GPC1: variants seen among roughly 807,000 people sequenced by gnomAD.
The protein encoded by GPC1 is glypican-1.
In GPC1, 26 loss-of-function variants were observed where a neutral mutation model predicts 51.5. The observed-to-expected ratio is 0.50, with a 90% CI of 0.37 to 0.70. The LOEUF (loss-of-function observed/expected upper bound fraction) is 0.70. Ranked by LOEUF, GPC1 falls within the 30% of genes least tolerant of loss-of-function variation. The pLI, the probability that GPC1 is intolerant of heterozygous loss-of-function variation, is 0.00. For synonymous variants in GPC1, 380 were observed against 348.3 expected, an observed-to-expected ratio of 1.09 and a Z score of -1.01; for missense variants, 775 against 800.5, an observed-to-expected ratio of 0.97 and a Z score of 0.38.
intron 5 of GPC1, 49 bp downstream of exon 5, chr2:240,464,795 G>A: frequency 6.3e-7 from 1 of 1,576,468 alleles, no homozygotes. Context: ...GGTCCTGGAT[G>A]TGGCCCCATT....
At chr2:240,443,904 G>C (rs2074033246) in intron 1 of GPC1, among the ~76,000 whole-genome samples, 1 of 152,224 alleles carries the variant, frequency 6.6e-6, no homozygotes, top group Non-Finnish European at 1.5e-5. Context: ...AGAGCTGAGA[G>C]GCCTCGCCGC....
chr2:240,464,627 C>T lies in GPC1; in HGVS notation c.895C>T (p.Leu299Phe), dbSNP rs770926455. ...AACGCCTGTCCTAGACTCCATGGTG[C>T]TCATCACCGACAAGTTCTGGGGTAC... is the stretch of plus-strand genomic sequence containing the variant. ...EWRNLLDSMVLITDKFWGTSG... is the reference protein window; with the variant it reads ...EWRNLLDSMVFITDKFWGTSG... The change falls in exon 5 of 9, where the codon CTC (leucine) becomes TTC (phenylalanine). Residue 299 changes from leucine (L) to phenylalanine (F), a missense_variant. Leu to Phe is a conservative substitution (Grantham distance 22). Coordinates refer to ENST00000264039, the MANE Select transcript of GPC1 (RefSeq NM_002081.3). 7.4e-6 allele frequency: 12 copies of T among 1,611,246 alleles called. No homozygotes were observed. The South Asian group carries it at 1.2e-4, about 16-fold the overall frequency.
At chr2:240,436,137 G>T (rs953223679) in intron 1 of GPC1, 53 bp downstream of exon 1, 3 of 1,169,910 alleles carry the variant, frequency 2.6e-6, no homozygotes, top group South Asian at 3.9e-5. Flanking sequence ...TTTGGGCTCC[G>T]GACCCTGGTC....
At chr2:240,462,752 G>A (rs1435238271) in intron 3 of GPC1, among the ~76,000 whole-genome samples, 170 bp downstream of exon 3, 1 of 152,220 alleles carries the variant, frequency 6.6e-6, no homozygotes, top group East Asian at 1.9e-4. Context: ...CCCATGGCCT[G>A]CTAACAGCGT....
Position 240,462,270 on chromosome 2 carries a change from G to C in GPC1, c.405G>C (p.Thr135=). 1 of 1,610,376 alleles carries C rather than the reference G, an allele frequency of 6.2e-7. No individual in the cohort carries two copies. The highest frequency in any genetic ancestry group is 1.1e-5 in the South Asian group (1 of 90,614). The change falls in exon 3 of 9, where the codon ACG becomes ACC. Residue 135 remains threonine, a synonymous_variant. Transcript: ENST00000264039. ...CCGGCGCCTTCGGAGAGCTGTACAC[G>C]CAGAACGCGAGGGCCTTCCGGGACC... The part of the protein sequence containing the change: ...TFPGAFGELY[T]QNARAFRDLY...
intron 1 of GPC1, among the ~76,000 whole-genome samples, chr2:240,441,703 T>A (rs1000567761): frequency 3.9e-5 from 6 of 152,288 alleles, no homozygotes; most frequent in African/African-American, 1.4e-4. Context: ...TTTCTTTGTC[T>A]GGGAACAGGC....
intron 2 of GPC1, among the ~76,000 whole-genome samples, chr2:240,459,907 C>T (rs550401708): frequency 7.2e-5 from 11 of 152,090 alleles, no homozygotes; most frequent in Non-Finnish European, 1.5e-4. Flanking sequence ...GGAGGCGGCC[C>T]GGGCTGAGGT....
At chr2:240,455,349 T>A (rs1412028819) in intron 1 of GPC1, among the ~76,000 whole-genome samples, 1 of 152,074 alleles carries the variant, frequency 6.6e-6, no homozygotes, top group Non-Finnish European at 1.5e-5. Context: ...AGCCCAGGGA[T>A]CAGGGAAGAG....
In GPC1 at chr2:240,466,081, A is replaced by G. The variant is rs1425635440; in HGVS notation, c.1468A>G (p.Ser490Gly). The G allele has an allele frequency of 9.3e-6, 15 of 1,611,534 alleles. No homozygotes were observed. The highest frequency in any genetic ancestry group is 1.3e-5 in the Non-Finnish European group (15 of 1,179,264). ...DASDDGSGSG[S>G]GDGCLDDLCS... is the part of the protein sequence containing the mutation. ...AGGTGACGACGGCAGCGGCTCGGGC[A>G]GCGGTGATGGCTGTCTGGATGACCT... Residue 490 changes from serine (S) to glycine (G), a missense_variant, in exon 9 of 9, where the codon AGC (serine) becomes GGC (glycine). Transcript: ENST00000264039.
chr2:240,446,040 C>G (rs565988845), intron 1 of GPC1, among the ~76,000 whole-genome samples: 1 of 152,246 alleles, frequency 6.6e-6, no homozygotes, highest in African/African-American at 2.4e-5. Flanking sequence ...AAAGCGTCTG[C>G]GGCTTCACCA....
At position 240,459,013 on chromosome 2, in the gene GPC1, C is replaced by T. The variant is rs756437007; in HGVS notation, c.167-17C>T. The T allele has an allele frequency of 6.2e-7, 1 of 1,611,040 alleles. No individual in the cohort carries two copies. Among genetic ancestry groups the T allele is most frequent in the Admixed American group, 1.7e-5 (1 of 59,968 alleles). ...GCTGTCCCAGCCCCTCTCCCTCACA[C>T]TGGCCTTTCCCCACAGGTGAGCACC... On this transcript the variant is annotated splice_polypyrimidine_tract_variant and intron_variant, in intron 1 of 8. Coordinates refer to ENST00000264039, the MANE Select transcript of GPC1 (RefSeq NM_002081.3).
At chr2:240,450,788 G>A (rs2074092071) in intron 1 of GPC1, 2 of 469,962 alleles carry the variant, frequency 4.3e-6, no homozygotes, top group Non-Finnish European at 8.8e-6. Flanking sequence ...CCTTTATTCA[G>A]TACCAGGGTA....
chr2:240,450,361 G>A (rs1176043330), intron 1 of GPC1: 1 of 343,532 alleles, frequency 2.9e-6, no homozygotes, highest in Non-Finnish European at 5.8e-6. Flanking sequence ...TGGGATTGGA[G>A]TCAGGGCAGG....
intron 1 of GPC1, among the ~76,000 whole-genome samples, chr2:240,447,967 C>T (rs2074063074): frequency 6.6e-6 from 1 of 152,120 alleles, no homozygotes. Context: ...CGCTCCCATT[C>T]GCTGGCTCTG....
intron 2 of GPC1, among the ~76,000 whole-genome samples, chr2:240,461,962 C>T (rs1013418039): frequency 3.9e-5 from 6 of 152,160 alleles, no homozygotes; most frequent in East Asian, 3.9e-4. Context: ...CCCTGAGACC[C>T]GAGAGGACCC....
At position 240,466,531 on chromosome 2, in the gene GPC1, T is replaced by C. The variant is rs2151797899; in HGVS notation, c.*241T>C. ...AGCCAGTGTGCCCAAAAGCCATGTA[T>C]TTCAGGGACCTCAGGGGCACCTCCG... On this transcript the variant is annotated 3_prime_UTR_variant, in exon 9 of 9. Coordinates refer to ENST00000264039, the MANE Select transcript of GPC1 (RefSeq NM_002081.3). The C allele has an allele frequency of 3.7e-6, 2 of 536,110 alleles. No individual in the cohort carries two copies. Among genetic ancestry groups the C allele is most frequent in the Middle Eastern group, 4.8e-4 (1 of 2,066 alleles). The allele number at this position is 536,110 out of a possible 1,614,324, so 33.2% of individuals were successfully genotyped here.
intron 1 of GPC1, among the ~76,000 whole-genome samples, chr2:240,437,037 C>T (rs2073988798): frequency 6.6e-6 from 1 of 152,248 alleles, no homozygotes; most frequent in African/African-American, 2.4e-5. Context: ...TGGGAACCAA[C>T]CTCGGTCTGT....
intron 1 of GPC1, 193 bp from the exon 2 acceptor site, chr2:240,458,837 A>G: frequency 1.7e-6 from 1 of 577,604 alleles, no homozygotes; most frequent in South Asian, 2.2e-5. Flanking sequence ...AAGCTACGGG[A>G]CCGAAGCCAG....
At position 240,448,467 on chromosome 2, in the gene GPC1, CG is replaced by C. The variant is rs2074068056; in HGVS notation, c.167-10559del. 6.6e-6 allele frequency among the ~76,000 whole-genome samples: 1 copy of C among 151,006 alleles called. No homozygotes were observed. The highest frequency in any genetic ancestry group is 1.5e-5 in the Non-Finnish European group (1 of 67,608). Reference sequence around the variant, plus strand: ...CCCTGCCAGGAAGTCTGGGTGTAGACGGGGTGGAGTCAGGACTCCAGGTGCC... The same window carrying C: ...CCCTGCCAGGAAGTCTGGGTGTAGACGGGTGGAGTCAGGACTCCAGGTGCC... On this transcript the variant is annotated intron_variant, in intron 1 of 8. Transcript: ENST00000264039. This position sits in a 1 kb window ranked among gnomAD's most constrained non-coding sequence, Gnocchi z 4.5.
Sources: gnomAD v4.1 joint callset for allele counts (sites outside exome capture counted in the v4.1 genomes callset) on GRCh38, gnomAD v4.1.1 for gene constraint, Gnocchi (gnomAD v3.1) non-coding constraint, MANE v1.5 for transcripts, NCBI Gene and HGNC (gene_info 2026-07-23, HGNC 2026-07-21) for gene names.